The following SSPN variants were observed in gnomAD, a reference collection of about 807,000 sequenced individuals.
The protein encoded by SSPN is sarcospan.
In SSPN, 15 loss-of-function variants were observed where a neutral mutation model predicts 19.1. The observed-to-expected ratio is 0.78, with a 90% CI of 0.52 to 1.21. The LOEUF is 1.21. SSPN is among the 50% of genes most tolerant of loss of function. The pLI is 0.00. For missense variants in SSPN, 291 were observed against 314.0 expected (o/e 0.93, Z 0.55); for synonymous variants, 147 against 140.3 (o/e 1.05, Z -0.34).
intron 1 of SSPN, among the ~76,000 whole-genome samples, chr12:26,168,433 T>TGGGGATGG (rs1315515318): frequency 6.6e-6 from 1 of 152,024 alleles, no homozygotes; most frequent in African/African-American, 2.4e-5. Flanking sequence ...AACCCCCGGT[T>TGGGGATGG]GGGGATGGGG....
At chr12:26,157,154 T>G (rs1334253340) in intron 1 of SSPN, among the ~76,000 whole-genome samples, 1 of 152,198 alleles carries the variant, frequency 6.6e-6, no homozygotes, top group African/African-American at 2.4e-5. Context: ...AGTGCTGTTT[T>G]GTTTGTGGTA....
intron 1 of SSPN, among the ~76,000 whole-genome samples, chr12:26,158,050 G>A (rs996014198): frequency 2.1e-4 from 32 of 151,814 alleles, no homozygotes; most frequent in African/African-American, 6.3e-4. Context: ...TAGAAATGGC[G>A]AATAGGTTTT....
intron 1 of SSPN, chr12:26,180,308 GAAT>G (rs1216796954): frequency 6.6e-6 from 1 of 152,168 alleles, no homozygotes; most frequent in Non-Finnish European, 1.5e-5. Flanking sequence ...TGGAGGTGCT[GAAT>G]ACTCATTCAC....
rs1437794007 is a variant in SSPN, at chr12:26,231,114, G to C, written c.*38G>C. 1 of 1,564,898 alleles carries C rather than the reference G, an allele frequency of 6.4e-7. No homozygotes were observed. ...AAGTTGCGAGAGAAAGTAGCACATG[G>C]AGTAGCTGAGGTTAAACAAACAAAA... On this transcript the variant is annotated 3_prime_UTR_variant, in exon 3 of 3. Coordinates refer to ENST00000242729, the MANE Select transcript of SSPN (RefSeq NM_005086.5).
intron 1 of SSPN, among the ~76,000 whole-genome samples, chr12:26,204,265 C>T (rs999337785): frequency 2.0e-5 from 3 of 152,146 alleles, no homozygotes; most frequent in East Asian, 1.9e-4. Flanking sequence ...GCTCCGTGCT[C>T]ATGCCAGTAG....
At chr12:26,182,988 A>T (rs1015730617) in intron 1 of SSPN, among the ~76,000 whole-genome samples, 1 of 151,544 alleles carries the variant, frequency 6.6e-6, no homozygotes, top group Non-Finnish European at 1.5e-5. Context: ...CTAGTCTCAA[A>T]CTCTTGACCC....
chr12:26,124,269 C>A, intron 1 of SSPN: 1 of 676,730 alleles, frequency 1.5e-6, no homozygotes, highest in South Asian at 1.5e-5. Context: ...CCCGCCCCCC[C>A]ACCATAAAAC....
At chr12:26,158,203 CT>C (rs1340916139) in intron 1 of SSPN, among the ~76,000 whole-genome samples, 14 of 151,680 alleles carry the variant, frequency 9.2e-5, no homozygotes, top group South Asian at 2.1e-4. Context: ...ATGTATTTTT[CT>C]TTTTTTCTGT....
upstream of SSPN, among the ~76,000 whole-genome samples, chr12:26,194,617 C>T (rs1321834421): frequency 6.6e-6 from 1 of 152,220 alleles, no homozygotes; most frequent in Non-Finnish European, 1.5e-5. Context: ...AACTCCTGAC[C>T]TTGTGATCCG....
chr12:26,228,924 T>C (rs1447510790), intron 2 of SSPN, among the ~76,000 whole-genome samples: 3 of 152,058 alleles, frequency 2.0e-5, no homozygotes. Context: ...GGTGGGAGGA[T>C]CACTTGAGGC....
intron 1 of SSPN, among the ~76,000 whole-genome samples, chr12:26,200,302 C>T (rs950945287): frequency 6.6e-6 from 1 of 152,118 alleles, no homozygotes; most frequent in Admixed American, 6.5e-5. Flanking sequence ...TCACATGAAT[C>T]TGTAATGATT....
intron 1 of SSPN, among the ~76,000 whole-genome samples, chr12:26,217,890 A>C (rs538542468): frequency 6.6e-6 from 1 of 152,188 alleles, no homozygotes; most frequent in Non-Finnish European, 1.5e-5. Flanking sequence ...TAGTTCAACC[A>C]TTGTGGAAGT....
intron 1 of SSPN, chr12:26,122,942 G>A (rs574280556): frequency 4.5e-6 from 7 of 1,553,934 alleles, no homozygotes; most frequent in Middle Eastern, 3.4e-4. Context: ...CCGAGGGAGC[G>A]CCGGTGCCTT....
At chr12:26,209,790 TAGAG>T (rs1330548717) in intron 1 of SSPN, among the ~76,000 whole-genome samples, 1 of 119,634 alleles carries the variant, frequency 8.4e-6, no homozygotes, top group African/African-American at 3.2e-5. Context: ...CTCTGATTCT[TAGAG>T]CGTGTGTGTG....
chr12:26,210,159 G>T (rs1202418579), intron 1 of SSPN, among the ~76,000 whole-genome samples: 1 of 151,724 alleles, frequency 6.6e-6, no homozygotes, highest in Non-Finnish European at 1.5e-5. Context: ...TGTCTTATCT[G>T]TATGCTCCTA....
At chr12:26,208,673 C>A (rs1944953655) in intron 1 of SSPN, among the ~76,000 whole-genome samples, 1 of 151,844 alleles carries the variant, frequency 6.6e-6, no homozygotes, top group Non-Finnish European at 1.5e-5. Flanking sequence ...TTTTTCTATA[C>A]CATTTTCTAA....
At chr12:26,128,484 C>T (rs1387798880) in intron 1 of SSPN, among the ~76,000 whole-genome samples, 1 of 152,184 alleles carries the variant, frequency 6.6e-6, no homozygotes, top group Non-Finnish European at 1.5e-5. Context: ...CTGATGGTGA[C>T]CAGCTGTTCA....
intron 1 of SSPN, among the ~76,000 whole-genome samples, chr12:26,219,686 T>C (rs1945098303): frequency 1.3e-5 from 2 of 152,216 alleles, no homozygotes; most frequent in Admixed American, 1.3e-4. Flanking sequence ...CTTTCTTTTT[T>C]CCATTAAAAA....
intron 2 of SSPN, among the ~76,000 whole-genome samples, chr12:26,226,788 G>T (rs1439418929): frequency 6.6e-6 from 1 of 152,160 alleles, no homozygotes; most frequent in Non-Finnish European, 1.5e-5. Flanking sequence ...AGGCCCCTGG[G>T]CTGCTTGCGG....
Sources: gnomAD v4.1 joint callset for allele counts (sites outside exome capture counted in the v4.1 genomes callset) on GRCh38, gnomAD v4.1.1 for gene constraint, MANE v1.5 for transcripts, NCBI Gene and HGNC (gene_info 2026-07-23, HGNC 2026-07-21) for gene names.